The following CYP4F3 variants were observed in gnomAD, a reference collection of about 807,000 sequenced individuals.
The protein encoded by CYP4F3 is cytochrome P450 4F3.
Under a neutral mutation model 54.8 loss-of-function variants are expected in CYP4F3, and 50 were observed. The observed-to-expected ratio is 0.91, with a 90% CI of 0.73 to 1.16. The LOEUF is 1.16. Among genes scored for constraint, CYP4F3 ranks in the 50% most tolerant of loss-of-function variants. The pLI, the probability that CYP4F3 is intolerant of heterozygous loss-of-function variation, is 0.00. For missense variants in CYP4F3, 715 were observed against 676.2 expected (o/e 1.06, Z -0.64); for synonymous variants, 244 against 262.6 (o/e 0.93, Z 0.69).
rs1973197258 is a variant in CYP4F3, at chr19:15,662,271, T to TAAAAAAA, written c.*2886_*2887insAAAAAAA. Reference sequence around the variant, plus strand: ...GGGTGAAAGAGCTAGATTCTCTCTCTCAAAAAAAAAAAAAAAAAAAAGGAA... The same window carrying TAAAAAAA: ...GGGTGAAAGAGCTAGATTCTCTCTCTAAAAAAACAAAAAAAAAAAAAAAAAAAAGGAA... On this transcript the variant is annotated 3_prime_UTR_variant, in exon 13 of 13. Coordinates refer to ENST00000221307, the MANE Select transcript of CYP4F3 (RefSeq NM_000896.3). 1 of 22,694 alleles carries TAAAAAAA rather than the reference T, an allele frequency of 4.4e-5. No homozygotes were observed. Among genetic ancestry groups the TAAAAAAA allele is most frequent in the African/African-American group, 4.0e-4 (1 of 2,524 alleles). The allele number at this position is 22,694 out of a possible 1,614,324, so 1.4% of individuals were successfully genotyped here.
rs761110616 is a variant in CYP4F3 at position 15,649,150 on chromosome 19, C to T, written c.526-10C>T. On this transcript the variant is annotated splice_polypyrimidine_tract_variant and intron_variant, in intron 5 of 12. Transcript: ENST00000221307. The stretch of plus-strand genomic sequence containing the variant: ...GGACCTGCCCCAGCTCTGTCCCCTT[C>T]TCTGGCTAGGCCAAGTGGCAGCTCC... The T allele has an allele frequency of 1.9e-6, 3 of 1,613,172 alleles. No homozygotes were observed. Among genetic ancestry groups the T allele is most frequent in the East Asian group, 2.2e-5 (1 of 44,850 alleles).
chr19:15,647,437 C>T, intron 5 of CYP4F3, 113 bp downstream of exon 5: 1 of 1,513,868 alleles, frequency 6.6e-7, no homozygotes, highest in Non-Finnish European at 8.9e-7. Flanking sequence ...TTGTCTTCCT[C>T]TCTGAGCTTT....
rs371375686 is a variant in CYP4F3, at chr19:15,652,671, G to T, written c.985+36G>T. The T allele has an allele frequency of 5.6e-5, 90 of 1,614,048 alleles. 2 individuals are homozygous for T. The South Asian group carries it at 6.9e-4, about 12-fold the overall frequency. On this transcript the variant is annotated intron_variant, in intron 8 of 12. Transcript: ENST00000221307. ...CAGTGTGGGGCTAGAGTGGGGACTT[G>T]GATATCTCCATTCCAGGAACAGGGT...
intron 3 of CYP4F3, among the ~76,000 whole-genome samples, chr19:15,646,538 T>C (rs1033069273): frequency 2.0e-5 from 3 of 152,194 alleles, no homozygotes; most frequent in Admixed American, 6.5e-5. Context: ...TTTAAGGTCA[T>C]GTTAGACCAT....
chr19:15,644,313 A>T (rs1171765319), intron 2 of CYP4F3, among the ~76,000 whole-genome samples: 1 of 152,068 alleles, frequency 6.6e-6, no homozygotes, highest in Non-Finnish European at 1.5e-5. Flanking sequence ...TCCTGGAGGA[A>T]CCCCCAAGCT....
intron 11 of CYP4F3, 26 bp from the exon 12 acceptor site, chr19:15,658,701 G>T: frequency 1.9e-6 from 3 of 1,613,222 alleles, no homozygotes; most frequent in Non-Finnish European, 1.7e-6. Flanking sequence ...ACCCCACCCG[G>T]CAACCCTTCT....
At position 15,644,141 on chromosome 19, in the gene CYP4F3, T is replaced by C. The variant is rs28371533; in HGVS notation, c.199-1578T>C. 13,467 of 1,378,298 alleles carry C rather than the reference T, an allele frequency of 9.8e-3. 75 individuals are homozygous for C. Among genetic ancestry groups the C allele is most frequent in the Non-Finnish European group, 0.011 (11,871 of 1,050,706 alleles). 85.4% of individuals were successfully genotyped at this position (1,378,298 alleles called of 1,614,324 possible). ...CCCAAGCCGTGTGTGGCCCCTGCAG[T>C]ACTCTGGTCTCTCCTTTCCTTCTCT... On this transcript the variant is annotated intron_variant, in intron 2 of 12. Transcript: ENST00000221307.
chr19:15,646,309 G>T (rs1405460581), intron 3 of CYP4F3, among the ~76,000 whole-genome samples: 1 of 152,114 alleles, frequency 6.6e-6, no homozygotes, highest in African/African-American at 2.4e-5. Flanking sequence ...GTTTTCTCCT[G>T]CTGGTCACAT....
At chr19:15,645,684 A>G in intron 2 of CYP4F3, 35 bp from the exon 3 acceptor site, 2 of 1,576,846 alleles carry the variant, frequency 1.3e-6, no homozygotes, top group Non-Finnish European at 1.7e-6. Flanking sequence ...GCAGCCTAGG[A>G]GAGCATGAAT....
At chr19:15,643,903 G>T (rs777143936) in intron 2 of CYP4F3, 2 of 1,558,134 alleles carry the variant, frequency 1.3e-6, no homozygotes, top group South Asian at 2.4e-5. Flanking sequence ...TGCCTTGCTT[G>T]CAGGTCACCC....
At chr19:15,646,969 C>T in intron 3 of CYP4F3, 83 bp from the exon 4 acceptor site, 2 of 1,580,850 alleles carry the variant, frequency 1.3e-6, no homozygotes, top group Non-Finnish European at 8.6e-7. Flanking sequence ...GAAGTGCAAA[C>T]CTCTTGCTGG....
At chr19:15,641,304 A>T in intron 1 of CYP4F3, 111 bp from the exon 2 acceptor site, 1 of 1,349,058 alleles carries the variant, frequency 7.4e-7, no homozygotes, top group Non-Finnish European at 1.0e-6. Flanking sequence ...GTTTACTCTT[A>T]CTGTTCTATC....
At chr19:15,651,146 T>C (rs1254612949) in intron 7 of CYP4F3, among the ~76,000 whole-genome samples, 1 of 149,914 alleles carries the variant, frequency 6.7e-6, no homozygotes, top group East Asian at 2.0e-4. Flanking sequence ...AGTACTGGGA[T>C]TACAGGCGTG....
chr19:15,657,190 A>G (rs1451461771), intron 9 of CYP4F3, among the ~76,000 whole-genome samples: 2 of 152,234 alleles, frequency 1.3e-5, no homozygotes, highest in Non-Finnish European at 2.9e-5. Context: ...TAAACTGGAC[A>G]TGAAGCTGTC....
intron 5 of CYP4F3, 81 bp from the exon 6 acceptor site, chr19:15,649,079 C>T (rs111629551): frequency 9.5e-6 from 15 of 1,585,442 alleles, no homozygotes; most frequent in Admixed American, 8.7e-5. Context: ...TATTCTGGGG[C>T]GTGCATATTG....
chr19:15,654,359 A>G (rs1972958272), intron 9 of CYP4F3, among the ~76,000 whole-genome samples: 1 of 152,200 alleles, frequency 6.6e-6, no homozygotes. Flanking sequence ...ATTGCCTGAA[A>G]TATTTGTCTT....
chr19:15,646,325 C>T (rs1037423263), intron 3 of CYP4F3, among the ~76,000 whole-genome samples: 1 of 152,016 alleles, frequency 6.6e-6, no homozygotes, highest in Non-Finnish European at 1.5e-5. Flanking sequence ...CACATCTGGG[C>T]CATGTTTGGG....
intron 2 of CYP4F3, among the ~76,000 whole-genome samples, chr19:15,642,613 T>C (rs1290622): frequency 0.94 from 143,021 of 152,306 alleles, 67,192 homozygotes; most frequent in East Asian, 1. Flanking sequence ...ACAAGGAAAT[T>C]TTTCCTCTCA....
intron 7 of CYP4F3, among the ~76,000 whole-genome samples, chr19:15,650,549 T>C: frequency 6.6e-6 from 1 of 152,224 alleles, no homozygotes; most frequent in Admixed American, 6.5e-5. Context: ...TATGACTATG[T>C]CTATGTCTTT....
Sources: gnomAD v4.1 joint callset for allele counts (sites outside exome capture counted in the v4.1 genomes callset) on GRCh38, gnomAD v4.1.1 for gene constraint, MANE v1.5 for transcripts, NCBI Gene and HGNC (gene_info 2026-07-23, HGNC 2026-07-21) for gene names.